HSP90B1: variants seen among roughly 807,000 people sequenced by gnomAD.
HSP90B1 encodes heat shock protein 90 beta family member 1.
Under a neutral mutation model 100.4 loss-of-function variants are expected in HSP90B1, and 27 were observed. The observed-to-expected ratio is 0.27, with a 90% CI of 0.20 to 0.37. The LOEUF (loss-of-function observed/expected upper bound fraction) is 0.37. HSP90B1 is among the 10% of genes least tolerant of loss of function. The pLI is 1.00. For missense variants in HSP90B1, 678 were observed against 960.5 expected, an observed-to-expected ratio of 0.71 and a Z score of 3.89; for synonymous variants, 304 against 330.8, an observed-to-expected ratio of 0.92 and a Z score of 0.88.
intron 17 of HSP90B1, 97 bp from the exon 18 acceptor site, chr12:103,947,536 G>T: frequency 1.3e-6 from 2 of 1,590,042 alleles, no homozygotes; most frequent in South Asian, 2.3e-5. Flanking sequence ...AAGTCAGACT[G>T]AGCATTTAAA....
intron 5 of HSP90B1, 110 bp from the exon 6 acceptor site, chr12:103,937,585 G>A (rs1426277343): frequency 3.1e-6 from 2 of 653,516 alleles, no homozygotes; most frequent in East Asian, 5.7e-5. Context: ...TGAATAATTA[G>A]GACATCTTGG....
rs1870139548 is a variant in HSP90B1 at position 103,943,582 on chromosome 12, C to A, written c.1891-156C>A. 2.7e-6 allele frequency: 2 copies of A among 744,418 alleles called. No homozygotes were observed. The highest frequency in any genetic ancestry group is 4.2e-6 in the Non-Finnish European group (2 of 476,952). The allele number at this position is 744,418 out of a possible 1,614,324, so 46.1% of individuals were successfully genotyped here. The stretch of plus-strand genomic sequence containing the variant: ...AAAATTCAGATTATCAAGTAAGTGC[C>A]CCTACAAATTCTCCTAAACCTTAAG... On this transcript the variant is annotated intron_variant, in intron 13 of 17. Transcript: ENST00000299767. This position sits in a 1 kb window ranked among gnomAD's most constrained non-coding sequence, Gnocchi z 5.3.
chr12:103,934,279 G>A lies in HSP90B1; in HGVS notation c.735G>A (p.Thr245=), dbSNP rs763309418. The A allele has an allele frequency of 1.4e-5, 22 of 1,611,622 alleles. No individual in the cohort carries two copies. Among genetic ancestry groups the A allele is most frequent in the South Asian group, 7.7e-5 (7 of 90,998 alleles). The change falls in exon 5 of 18, where the codon ACG becomes ACA. Residue 245 remains threonine, a synonymous_variant. Coordinates refer to ENST00000299767, the MANE Select transcript of HSP90B1 (RefSeq NM_003299.3). ...GAGGAAACACTCTAGGACGGGGAAC[G>A]ACAATTACGTGAGTATGACCAATTC... ...DPRGNTLGRG[T]TITLVLKEEA... is the part of the protein sequence containing the mutation.
intron 4 of HSP90B1, among the ~76,000 whole-genome samples, chr12:103,933,714 A>G (rs1044337954): frequency 6.6e-6 from 1 of 152,242 alleles, no homozygotes; most frequent in Admixed American, 6.5e-5. Flanking sequence ...TATTTAGGTC[A>G]GCCTCTAACC....
chr12:103,942,119 A>G (rs925664023), intron 11 of HSP90B1, among the ~76,000 whole-genome samples: 1 of 152,242 alleles, frequency 6.6e-6, no homozygotes, highest in African/African-American at 2.4e-5. Context: ...AGAATTGTAC[A>G]GGTCCAGGAT....
chr12:103,938,981 C>CTTATTTT (rs1416392377), intron 7 of HSP90B1, among the ~76,000 whole-genome samples: 1 of 152,042 alleles, frequency 6.6e-6, no homozygotes, highest in Non-Finnish European at 1.5e-5. Flanking sequence ...TGAAGAAAAA[C>CTTATTTT]TTAAGTGGCT....
rs765420157 is a variant in HSP90B1 at position 103,934,264 on chromosome 12, T to C, written c.720T>C (p.Thr240=). 1.2e-6 allele frequency: 2 copies of C among 1,613,554 alleles called. No individual in the cohort carries two copies. Among genetic ancestry groups the C allele is most frequent in the South Asian group, 2.2e-5 (2 of 91,074 alleles). The change falls in exon 5 of 18, where the codon ACT becomes ACC. Residue 240 remains threonine, a synonymous_variant. Coordinates refer to ENST00000299767, the MANE Select transcript of HSP90B1 (RefSeq NM_003299.3). ...FSVIADPRGN[T]LGRGTTITLV... ...TAATTGCTGACCCAAGAGGAAACAC[T>C]CTAGGACGGGGAACGACAATTACGT...
Position 103,931,536 on chromosome 12 carries a change from A to G in HSP90B1, c.65A>G (p.Asp22Gly). The G allele has an allele frequency of 6.2e-7, 1 of 1,613,538 alleles. No homozygotes were observed. The highest frequency in any genetic ancestry group is 1.3e-5 in the African/African-American group (1 of 75,034). Residue 22 changes from aspartate to glycine, a missense_variant, in exon 2 of 18, where the codon GAC becomes GGC. Coordinates refer to ENST00000299767, the MANE Select transcript of HSP90B1 (RefSeq NM_003299.3). The part of the protein sequence containing the change: ...VLLTFGSVRA[D>G]DEVDVDGTVE... The stretch of plus-strand genomic sequence containing the variant: ...AAATCTTCAGGGTCGGTCAGAGCTG[A>G]CGATGAAGTTGATGTGGATGGTACA...
chr12:103,947,406 AGAT>A lies in HSP90B1; in HGVS notation c.2361_2363del (p.Asp787del), dbSNP rs1272069908. Reference sequence around the variant, plus strand: ...AAGATGAAGAAATGGATGTGGGAACAGATGAAGAAGAAGAAACAGCAAAGGTAT... The same window carrying A: ...AAGATGAAGAAATGGATGTGGGAACAGAAGAAGAAGAAACAGCAAAGGTAT... On this transcript the variant is annotated inframe_deletion, in exon 17 of 18. Coordinates refer to ENST00000299767, the MANE Select transcript of HSP90B1 (RefSeq NM_003299.3). The A allele has an allele frequency of 6.2e-7, 1 of 1,611,602 alleles. No individual in the cohort carries two copies. The highest frequency in any genetic ancestry group is 2.3e-5 in the East Asian group (1 of 44,270).
At chr12:103,945,921 A>C (rs1461431311) in intron 14 of HSP90B1, among the ~76,000 whole-genome samples, 3 of 152,132 alleles carry the variant, frequency 2.0e-5, no homozygotes, top group African/African-American at 7.2e-5. Flanking sequence ...CTGTCTCTAT[A>C]AAAACTAAAT....
At chr12:103,938,568 C>T (rs770487067) in intron 7 of HSP90B1, 109 bp downstream of exon 7, 10 of 1,227,340 alleles carry the variant, frequency 8.1e-6, no homozygotes, top group Admixed American at 4.6e-5. Flanking sequence ...AGTTCAGGTG[C>T]TAAGTCCATG....
Position 103,946,834 on chromosome 12 carries a change from GA to G in HSP90B1, c.2158del (p.Thr720GlnfsTer20). 6.2e-7 allele frequency: 1 copy of G among 1,614,096 alleles called. No individual in the cohort carries two copies. The highest frequency in any genetic ancestry group is 8.5e-7 in the Non-Finnish European group (1 of 1,179,986). ...TVLDLAVVLF[E>X]TATLRSGYLL... is the part of the protein sequence containing the mutation. Reference sequence around the variant, plus strand: ...TTTGGATCTTGCTGTGGTTTTGTTTGAAACAGCAACGCTTCGGTCAGGGTAT... The same window carrying G: ...TTTGGATCTTGCTGTGGTTTTGTTTGAACAGCAACGCTTCGGTCAGGGTAT... On this transcript the variant is annotated frameshift_variant, in exon 16 of 18. Transcript: ENST00000299767. LOFTEE classifies it high-confidence loss of function.
chr12:103,947,229 A>G, intron 16 of HSP90B1, 82 bp from the exon 17 acceptor site: 2 of 1,475,726 alleles, frequency 1.4e-6, no homozygotes, highest in South Asian at 2.8e-5. Flanking sequence ...CAGAAGTGAC[A>G]TTAATTATGA....
In HSP90B1 at chr12:103,946,813, G is replaced by C; in HGVS notation, c.2134G>C (p.Asp712His). ...AGATGAAGATGATAAAACAGTTTTG[G>C]ATCTTGCTGTGGTTTTGTTTGAAAC... ...KEDEDDKTVL[D>H]LAVVLFETAT... The change falls in exon 16 of 18, where the codon GAT becomes CAT. Residue 712 changes from aspartate (D) to histidine (H), a missense_variant. Transcript: ENST00000299767. 6.2e-7 allele frequency: 1 copy of C among 1,614,054 alleles called. No individual in the cohort carries two copies. Among genetic ancestry groups the C allele is most frequent in the Non-Finnish European group, 8.5e-7 (1 of 1,180,022 alleles).
Position 103,939,594 on chromosome 12 carries a change from A to C in HSP90B1, c.1061A>C (p.Glu354Ala), listed in dbSNP as rs753778542. The change falls in exon 8 of 18, where the codon GAA becomes GCA. Residue 354 changes from glutamate to alanine, a missense_variant. This residue lies in a region of HSP90B1 where 238 missense variants were observed against 346.7 expected (regional missense o/e 0.69). Coordinates refer to ENST00000299767, the MANE Select transcript of HSP90B1 (RefSeq NM_003299.3). ...QRPSKEVEED[E>A]YKAFYKSFSK... is the part of the protein sequence containing the mutation. Reference sequence around the variant, plus strand: ...CCATCAAAAGAAGTAGAAGAAGATGAATACAAAGCTTTCTACAAATCATTT... The same window carrying C: ...CCATCAAAAGAAGTAGAAGAAGATGCATACAAAGCTTTCTACAAATCATTT... 1.9e-6 allele frequency: 3 copies of C among 1,556,712 alleles called. No homozygotes were observed. The Admixed American group carries it at 5.7e-5, about 29-fold the overall frequency.
chr12:103,942,864 A>C, intron 12 of HSP90B1, 68 bp downstream of exon 12: 1 of 1,563,832 alleles, frequency 6.4e-7, no homozygotes, highest in South Asian at 1.2e-5. Context: ...CCAACTCTTG[A>C]GGGGGAGAAA....
chr12:103,933,964 G>A lies in HSP90B1; in HGVS notation c.420G>A (p.Lys140=). ...EELTVKIKCD[K]EKNLLHVTDT... is the part of the protein sequence containing the mutation. ...TCTTGTCTTGCATTTAGTGTGATAA[G>A]GAGAAGAACCTGCTGCATGTCACAG... Residue 140 remains lysine, a synonymous_variant, in exon 5 of 18, where the codon AAG becomes AAA. Transcript: ENST00000299767. The A allele has an allele frequency of 6.2e-7, 1 of 1,612,354 alleles. No individual in the cohort carries two copies. The highest frequency in any genetic ancestry group is 8.5e-7 in the Non-Finnish European group (1 of 1,178,596).
intron 12 of HSP90B1, 110 bp from the exon 13 acceptor site, chr12:103,942,964 C>G: frequency 6.8e-7 from 1 of 1,472,102 alleles, no homozygotes; most frequent in Non-Finnish European, 9.2e-7. Context: ...CCTCTTAATT[C>G]TTCACCTGTA....
chr12:103,934,850 T>C (rs1234383523), intron 5 of HSP90B1, among the ~76,000 whole-genome samples: 2 of 152,182 alleles, frequency 1.3e-5, no homozygotes, highest in Non-Finnish European at 2.9e-5. Context: ...TACAGGCATG[T>C]GCCACCACGC....
Sources: gnomAD v4.1 joint callset for allele counts (sites outside exome capture counted in the v4.1 genomes callset) on GRCh38, gnomAD v4.1.1 for gene constraint, gnomAD v4.1.1 regional missense constraint, Gnocchi (gnomAD v3.1) non-coding constraint, MANE v1.5 for transcripts, NCBI Gene and HGNC (gene_info 2026-07-23, HGNC 2026-07-21) for gene names.